WIPI1: variants seen among roughly 807,000 people sequenced by gnomAD.
WIPI1 encodes WD repeat domain, phosphoinositide interacting 1, also known as WD repeat domain phosphoinositide-interacting protein 1.
Under a neutral mutation model 55.3 loss-of-function variants are expected in WIPI1, and 45 were observed. The ratio of observed to expected loss-of-function variants is 0.81; its 90% confidence interval spans 0.64 to 1.04. WIPI1 has a LOEUF of 1.04. Ranked by LOEUF, WIPI1 falls within the 50% of genes least tolerant of loss-of-function variation. The probability of loss-of-function intolerance (pLI) is 0.00; values close to 1 mark genes in which losing one functional copy is unlikely to be tolerated. For synonymous variants in WIPI1, 195 were observed against 217.6 expected, an observed-to-expected ratio of 0.90 and a Z score of 0.92; for missense variants, 445 against 559.0, an observed-to-expected ratio of 0.80 and a Z score of 2.06.
At chr17:68,436,303 G>T in intron 5 of WIPI1, 79 bp downstream of exon 5, 1 of 1,337,120 alleles carries the variant, frequency 7.5e-7, no homozygotes, top group Non-Finnish European at 1.1e-6. Flanking sequence ...CCCGACGGCA[G>T]GGCGTCCTTA....
intron 2 of WIPI1, among the ~76,000 whole-genome samples, chr17:68,452,515 A>G (rs1207174139): frequency 1.3e-5 from 2 of 152,220 alleles, no homozygotes; most frequent in Non-Finnish European, 1.5e-5. Flanking sequence ...CAGTGAGCCA[A>G]GATCGTGCCA....
intron 8 of WIPI1, among the ~76,000 whole-genome samples, chr17:68,431,697 C>T (rs1345603138): frequency 6.6e-6 from 1 of 152,112 alleles, no homozygotes. Context: ...GTTCAAGGGC[C>T]CTGGCCAGCG....
At chr17:68,425,010 AG>A (rs1193288602) in intron 12 of WIPI1, among the ~76,000 whole-genome samples, 1 of 152,248 alleles carries the variant, frequency 6.6e-6, no homozygotes, top group Non-Finnish European at 1.5e-5. Context: ...TCAGCAGTTA[AG>A]GAAGCCCCAG....
chr17:68,436,460 G>T lies in WIPI1; in HGVS notation c.450C>A (p.Ile150=). The change falls in exon 5 of 13, where the codon ATC becomes ATA. Residue 150 remains isoleucine (I), a synonymous_variant. Coordinates refer to ENST00000262139, the MANE Select transcript of WIPI1 (RefSeq NM_017983.7). ...AGGCCAGGTAAGAATTGGAATGGTT[G>T]ATAGAGAGAGCACATAGACCTGGCA... ...ANPTGLCALS[I]NHSNSYLAYP... The T allele has an allele frequency of 1.2e-6, 2 of 1,613,960 alleles. No individual in the cohort carries two copies. The highest frequency in any genetic ancestry group is 8.5e-7 in the Non-Finnish European group (1 of 1,179,884).
chr17:68,425,089 C>T (rs1375956160), intron 12 of WIPI1, among the ~76,000 whole-genome samples: 1 of 152,210 alleles, frequency 6.6e-6, no homozygotes, highest in African/African-American at 2.4e-5. Context: ...AGCACTCAGC[C>T]AGCCCCGAGG....
chr17:68,427,082 G>T, intron 11 of WIPI1, 53 bp downstream of exon 11: 2 of 1,455,488 alleles, frequency 1.4e-6, no homozygotes, highest in Non-Finnish European at 1.9e-6. Context: ...CAGGGAGAAG[G>T]GGAGGGAGGT....
Position 68,425,857 on chromosome 17 carries a change from C to A in WIPI1, c.1293+218G>T, listed in dbSNP as rs117751996. 1,706 of 521,146 alleles carry A rather than the reference C, an allele frequency of 3.3e-3. 10 individuals carry two copies. Among genetic ancestry groups the A allele is most frequent in the South Asian group, 0.01 (391 of 38,746 alleles). 32.3% of individuals were successfully genotyped at this position (521,146 alleles called of 1,614,324 possible). ...CTCCCTGGATTAGTATTCGGTGACT[C>A]TAATGCCATCAGGGTTTAGCTCGAC... is the stretch of plus-strand genomic sequence containing the variant. On this transcript the variant is annotated intron_variant, in intron 12 of 12. Transcript: ENST00000262139.
At chr17:68,436,744 C>A (rs1006703682) in intron 4 of WIPI1, among the ~76,000 whole-genome samples, 7 of 152,206 alleles carry the variant, frequency 4.6e-5, no homozygotes, top group Non-Finnish European at 8.8e-5. Flanking sequence ...GTGGCTCATG[C>A]CTGTAATTCC....
intron 1 of WIPI1, among the ~76,000 whole-genome samples, chr17:68,453,877 A>C (rs1167214279): frequency 6.6e-6 from 1 of 152,198 alleles, no homozygotes; most frequent in East Asian, 1.9e-4. Context: ...ACTTCATACT[A>C]GTAGCTCTCA....
chr17:68,453,636 G>A (rs759721569), intron 1 of WIPI1, among the ~76,000 whole-genome samples: 1 of 151,780 alleles, frequency 6.6e-6, no homozygotes, highest in African/African-American at 2.4e-5. Context: ...GCACCACCAC[G>A]CCAGGCTAAT....
chr17:68,448,801 A>G (rs895641038), intron 3 of WIPI1, among the ~76,000 whole-genome samples: 18 of 152,352 alleles, frequency 1.2e-4, no homozygotes, highest in African/African-American at 3.1e-4. Context: ...ATCTGCTACC[A>G]ACAGATTTCA....
At chr17:68,435,221 A>T (rs2083727622) in intron 6 of WIPI1, among the ~76,000 whole-genome samples, 1 of 151,646 alleles carries the variant, frequency 6.6e-6, no homozygotes, top group Non-Finnish European at 1.5e-5. Context: ...AAAAAAAAAA[A>T]ATTCAATTGG....
At chr17:68,424,565 C>T (rs781539636) in intron 12 of WIPI1, 2 of 521,166 alleles carry the variant, frequency 3.8e-6, no homozygotes, top group Admixed American at 2.0e-5. Context: ...GGAGCTGATG[C>T]TCCAAGTCTT....
At chr17:68,434,649 AT>A in intron 6 of WIPI1, 23 bp from the exon 7 acceptor site, 1 of 1,613,226 alleles carries the variant, frequency 6.2e-7, no homozygotes, top group Non-Finnish European at 8.5e-7. Flanking sequence ...GCAGGTGGAC[AT>A]TTCATAACCA....
At chr17:68,448,772 A>G (rs1171982228) in intron 3 of WIPI1, among the ~76,000 whole-genome samples, 1 of 152,236 alleles carries the variant, frequency 6.6e-6, no homozygotes, top group African/African-American at 2.4e-5. Flanking sequence ...AAGGATAAAA[A>G]GTTTAGCAGC....
At chr17:68,424,251 C>T (rs2082997549) in intron 12 of WIPI1, among the ~76,000 whole-genome samples, 1 of 152,190 alleles carries the variant, frequency 6.6e-6, no homozygotes, top group African/African-American at 2.4e-5. Context: ...TCTCTGACAA[C>T]CTGCCTATTG....
chr17:68,435,551 C>G lies in WIPI1; in HGVS notation c.621+69G>C. 3.4e-6 allele frequency: 5 copies of G among 1,486,910 alleles called. No individual in the cohort carries two copies. The South Asian group carries it at 5.7e-5, about 17-fold the overall frequency. 92.1% of individuals were successfully genotyped at this position (1,486,910 alleles called of 1,614,324 possible). On this transcript the variant is annotated intron_variant, in intron 6 of 12. Transcript: ENST00000262139. ...CTTCATGTCACCAGGTTTGTTCAAT[C>G]CCATCCCTGCGCACGGCAGGAGCCA...
intron 3 of WIPI1, 30 bp from the exon 4 acceptor site, chr17:68,444,619 G>C: frequency 6.3e-7 from 1 of 1,582,434 alleles, no homozygotes; most frequent in South Asian, 1.1e-5. Context: ...TCAGTCTACC[G>C]AACCGTTCCT....
Position 68,457,413 on chromosome 17 carries a change from G to A in WIPI1, c.9C>T (p.Ala3=), listed in dbSNP as rs1484695660. The part of the protein sequence containing the change: ME[A]EAADAPPGGV... ...CGCCCGGGGGAGCGTCCGCGGCCTC[G>A]GCCTCCATCGGGGGCTCGGCCCGGG... The change falls in exon 1 of 13, where the codon GCC becomes GCT. Residue 3 remains alanine, a synonymous_variant. Transcript: ENST00000262139. 6.6e-7 allele frequency: 1 copy of A among 1,506,604 alleles called. No homozygotes were observed. The highest frequency in any genetic ancestry group is 1.2e-5 in the South Asian group (1 of 80,818). 93.3% of individuals were successfully genotyped at this position (1,506,604 alleles called of 1,614,324 possible). A position where few individuals can be genotyped will look rare whatever the true frequency, so the allele number is the denominator to read the frequency against.
Sources: gnomAD v4.1 joint callset for allele counts (sites outside exome capture counted in the v4.1 genomes callset) on GRCh38, gnomAD v4.1.1 for gene constraint, MANE v1.5 for transcripts, NCBI Gene and HGNC (gene_info 2026-07-23, HGNC 2026-07-21) for gene names.